The following TNFRSF10B variants were observed in gnomAD, a reference collection of about 807,000 sequenced individuals.
TNFRSF10B encodes the protein tumor necrosis factor receptor superfamily member 10B.
TNFRSF10B carries 35 observed loss-of-function variants against 41.4 expected under a neutral mutation model. The ratio of observed to expected loss-of-function variants is 0.85; its 90% CI spans 0.65 to 1.12. The LOEUF is 1.12. Ranked by LOEUF, TNFRSF10B falls within the 50% of genes most tolerant of loss-of-function variation. The pLI is 0.00. For synonymous variants in TNFRSF10B, 230 were observed against 215.5 expected, an observed-to-expected ratio of 1.07 and a Z score of -0.59; for missense variants, 584 against 552.7, an observed-to-expected ratio of 1.06 and a Z score of -0.57.
chr8:23,046,129 T>C (rs753654245), intron 1 of TNFRSF10B, among the ~76,000 whole-genome samples: 27 of 152,204 alleles, frequency 1.8e-4, no homozygotes, highest in Non-Finnish European at 2.4e-4. Context: ...GGTATTCAAA[T>C]AGAAAAGGAA....
At chr8:23,028,640 T>A in intron 4 of TNFRSF10B, 38 bp from the exon 5 acceptor site, 1 of 1,613,208 alleles carries the variant, frequency 6.2e-7, no homozygotes, top group Non-Finnish European at 8.5e-7. Context: ...GGACTCTTGA[T>A]GGAAAGCTGG....
At position 23,029,511 on chromosome 8, in the gene TNFRSF10B, C is replaced by T. The variant is rs942600888; in HGVS notation, c.476+99G>A. The stretch of plus-strand genomic sequence containing the variant: ...AGGGGCAGCCACAGCCTCAAGGATG[C>T]CCCTTGCGGGTGCTGTCAGGGGAGA... On this transcript the variant is annotated intron_variant, in intron 4 of 8. Coordinates refer to ENST00000276431, the MANE Select transcript of TNFRSF10B (RefSeq NM_003842.5). 1.5e-5 allele frequency: 18 copies of T among 1,196,482 alleles called. No individual in the cohort carries two copies. In the African/African-American group the frequency reaches 2.6e-4, roughly 17 times the overall value. The allele number at this position is 1,196,482 out of a possible 1,614,324, so 74.1% of individuals were successfully genotyped here.
intron 1 of TNFRSF10B, among the ~76,000 whole-genome samples, chr8:23,061,646 C>T (rs1812833418): frequency 6.6e-6 from 1 of 152,184 alleles, no homozygotes; most frequent in South Asian, 2.1e-4. Context: ...TCTTTCAACA[C>T]TGAGTATGAT....
At chr8:23,033,046 G>A (rs899949744) in intron 2 of TNFRSF10B, among the ~76,000 whole-genome samples, 2 of 152,174 alleles carry the variant, frequency 1.3e-5, no homozygotes, top group Non-Finnish European at 2.9e-5. Flanking sequence ...GAGCCCAGAA[G>A]GGAGTGGGTA....
chr8:23,025,063 C>T (rs550687026), intron 7 of TNFRSF10B, among the ~76,000 whole-genome samples: 6 of 152,278 alleles, frequency 3.9e-5, no homozygotes, highest in Non-Finnish European at 8.8e-5. Context: ...TAAGTCCGAG[C>T]TTACTTGGCC....
chr8:23,036,920 G>C (rs1812046907), intron 2 of TNFRSF10B, among the ~76,000 whole-genome samples: 1 of 152,168 alleles, frequency 6.6e-6, no homozygotes, highest in Non-Finnish European at 1.5e-5. Flanking sequence ...GGGAAGAATG[G>C]CTAGACATGT....
At chr8:23,043,856 G>A (rs1209125648) in intron 1 of TNFRSF10B, among the ~76,000 whole-genome samples, 1 of 152,218 alleles carries the variant, frequency 6.6e-6, no homozygotes, top group Non-Finnish European at 1.5e-5. Flanking sequence ...TCAGAAGAGT[G>A]TACTTACACA....
intron 1 of TNFRSF10B, among the ~76,000 whole-genome samples, chr8:23,064,177 C>T (rs760243463): frequency 1.3e-5 from 2 of 152,194 alleles, no homozygotes; most frequent in Non-Finnish European, 2.9e-5. Flanking sequence ...AGGGGCTGCC[C>T]AGGCAGAGGT....
intron 1 of TNFRSF10B, among the ~76,000 whole-genome samples, chr8:23,063,861 G>A (rs1008439804): frequency 3.9e-5 from 6 of 152,110 alleles, no homozygotes; most frequent in African/African-American, 7.2e-5. Context: ...GTGATCCTCC[G>A]TACTCTATTC....
At position 23,029,601 on chromosome 8, in the gene TNFRSF10B, CTGTCT is replaced by C. The variant is rs749385012; in HGVS notation, c.476+4_476+8del. ...TGGAGCTACTGGGAGCCCCCGGCTC[CTGTCT>C]CACCCTGTGCGGCACTTCCGGCACA... On this transcript the variant is annotated splice_donor_5th_base_variant and intron_variant, in intron 4 of 8. Coordinates refer to ENST00000276431, the MANE Select transcript of TNFRSF10B (RefSeq NM_003842.5). The C allele has an allele frequency of 6.2e-7, 1 of 1,606,246 alleles. No individual in the cohort carries two copies. The highest frequency in any genetic ancestry group is 2.2e-5 in the East Asian group (1 of 44,810).
intron 1 of TNFRSF10B, among the ~76,000 whole-genome samples, chr8:23,051,645 C>T (rs1010361270): frequency 7.9e-5 from 12 of 151,710 alleles, no homozygotes; most frequent in South Asian, 2.1e-4. Context: ...CCCGGGTTCA[C>T]GCCATTCTCC....
chr8:23,032,053 C>T (rs955481768), intron 2 of TNFRSF10B, among the ~76,000 whole-genome samples: 1 of 151,850 alleles, frequency 6.6e-6, no homozygotes, highest in Non-Finnish European at 1.5e-5. Context: ...ATTACAGGCA[C>T]CCACCACCGC....
Position 23,020,813 on chromosome 8 carries a change from G to C in TNFRSF10B, c.*1858C>G, listed in dbSNP as rs35974498. The C allele has an allele frequency of 0.048, 21,963 of 454,124 alleles. 668 individuals are homozygous for C. Among genetic ancestry groups the C allele is most frequent in the Non-Finnish European group, 0.06 (13,681 of 226,774 alleles). 28.1% of individuals were successfully genotyped at this position (454,124 alleles called of 1,614,324 possible). ...CTGGGACCGGACTGGCACCTTCTGA[G>C]CCCTGAGGCTGAGCGTCCTGCACAG... On this transcript the variant is annotated 3_prime_UTR_variant, in exon 9 of 9. Transcript: ENST00000276431.
Position 23,022,762 on chromosome 8 carries a change from T to C in TNFRSF10B, c.1232A>G (p.Glu411Gly), listed in dbSNP as rs564770528. The C allele has an allele frequency of 2.5e-6, 4 of 1,613,858 alleles. No homozygotes were observed. In the South Asian group the frequency reaches 3.3e-5, roughly 13 times the overall value. ...TLLDALETLG[E>G]RLAKQKIEDH... Reference sequence around the variant, plus strand: ...CTCAATCTTCTGCTTGGCAAGTCTCTCTCCCAGCGTCTCCAAGGCATCCAG... The same window carrying C: ...CTCAATCTTCTGCTTGGCAAGTCTCCCTCCCAGCGTCTCCAAGGCATCCAG... Residue 411 changes from glutamate (E) to glycine (G), a missense_variant, in exon 9 of 9, where the codon GAG becomes GGG. Coordinates refer to ENST00000276431, the MANE Select transcript of TNFRSF10B (RefSeq NM_003842.5).
rs1161881719 is a variant in TNFRSF10B, at chr8:23,022,196, G to T, written c.*475C>A. On this transcript the variant is annotated 3_prime_UTR_variant, in exon 9 of 9. Coordinates refer to ENST00000276431, the MANE Select transcript of TNFRSF10B (RefSeq NM_003842.5). ...AATCGCTTGAGCCTGAGAGGTCAAG[G>T]CTATAGTGAGCCAAGATTGCACCAT... 2.2e-6 allele frequency: 1 copy of T among 452,610 alleles called. No individual in the cohort carries two copies. Among genetic ancestry groups the T allele is most frequent in the Non-Finnish European group, 4.4e-6 (1 of 225,642 alleles). The allele number at this position is 452,610 out of a possible 1,614,324, so 28.0% of individuals were successfully genotyped here. A position where few individuals can be genotyped will look rare whatever the true frequency, so the allele number is the denominator to read the frequency against.
chr8:23,036,295 A>G (rs1334981635), intron 2 of TNFRSF10B, among the ~76,000 whole-genome samples: 1 of 152,218 alleles, frequency 6.6e-6, no homozygotes, highest in Non-Finnish European at 1.5e-5. Context: ...TATATATACA[A>G]AATTGGGCTT....
intron 1 of TNFRSF10B, among the ~76,000 whole-genome samples, chr8:23,062,809 G>A (rs559035184): frequency 6.6e-6 from 1 of 152,220 alleles, no homozygotes; most frequent in South Asian, 2.1e-4. Flanking sequence ...TTTCATTACT[G>A]AGTTGTATGG....
intron 1 of TNFRSF10B, among the ~76,000 whole-genome samples, chr8:23,059,518 GT>G (rs2128820528): frequency 6.6e-6 from 1 of 151,996 alleles, no homozygotes; most frequent in East Asian, 1.9e-4. Context: ...TGTTGTTTTT[GT>G]TTTTTGAGAC....
At chr8:23,052,865 A>C (rs185618549) in intron 1 of TNFRSF10B, among the ~76,000 whole-genome samples, 1,817 of 152,138 alleles carry the variant, frequency 0.012, 35 homozygotes, top group African/African-American at 0.042. Context: ...CGGCCTGGGG[A>C]CATGTGAAAT....
Sources: allele counts gnomAD v4.1 joint callset (sites outside exome capture counted in the v4.1 genomes callset), GRCh38; gene constraint gnomAD v4.1.1; transcripts MANE v1.5; gene names NCBI Gene and HGNC (gene_info 2026-07-23, HGNC 2026-07-21).